The following TENM3 variants were observed in gnomAD, a reference collection of about 807,000 sequenced individuals.
TENM3 encodes the protein teneurin transmembrane protein 3.
TENM3 carries 63 observed loss-of-function variants against 255.1 expected under a neutral mutation model. The observed-to-expected ratio is 0.25, with a 90% CI of 0.20 to 0.30. The LOEUF is 0.30. Ranked by LOEUF, TENM3 falls within the 10% of genes least tolerant of loss-of-function variation. The pLI is 1.00. For missense variants in TENM3, 2,929 were observed against 3,461.1 expected (o/e 0.85, Z 3.86); for synonymous variants, 1,306 against 1,322.3 (o/e 0.99, Z 0.27).
chr4:181,921,711 T>C, the TENM3 span, among the ~76,000 whole-genome samples: 1 of 152,208 alleles, frequency 6.6e-6, no homozygotes, highest in Non-Finnish European at 1.5e-5. Context: ...CTTTTCCTAA[T>C]TGAATACCCT....
At chr4:182,102,732 G>A in the TENM3 span, among the ~76,000 whole-genome samples, 6 of 152,226 alleles carry the variant, frequency 3.9e-5, no homozygotes, top group South Asian at 4.2e-4. Flanking sequence ...GCCTGCCTCC[G>A]CCTCTCAGAA....
chr4:182,195,991 G>A (rs1431708828), intron 1 of TENM3, among the ~76,000 whole-genome samples: 7 of 152,116 alleles, frequency 4.6e-5, no homozygotes, highest in African/African-American at 7.2e-5. Context: ...TTCTTTTCAG[G>A]GCCAAGATTA....
intron 1 of TENM3, among the ~76,000 whole-genome samples, chr4:182,305,861 G>T (rs1185643123): frequency 6.6e-6 from 1 of 152,188 alleles, no homozygotes; most frequent in African/African-American, 2.4e-5. Context: ...TGCTATCCTG[G>T]ATGTTCTTAC....
chr4:182,580,152 TTTAA>T (rs35246683), intron 3 of TENM3, among the ~76,000 whole-genome samples: 15,721 of 152,060 alleles, frequency 0.1, 1,024 homozygotes, highest in Non-Finnish European at 0.14. Context: ...GTCTAGGGAG[TTTAA>T]TTAAAGTAAG....
chr4:181,895,685 C>T, the TENM3 span, among the ~76,000 whole-genome samples: 1 of 151,884 alleles, frequency 6.6e-6, no homozygotes, highest in East Asian at 1.9e-4. Flanking sequence ...GCTGGGACTA[C>T]AGGCATGTCA....
chr4:182,566,767 T>C (rs1478778864), intron 3 of TENM3, among the ~76,000 whole-genome samples: 1 of 152,204 alleles, frequency 6.6e-6, no homozygotes, highest in African/African-American at 2.4e-5. Context: ...TAACAAGTTT[T>C]TAATCTAAAG....
At chr4:182,142,807 G>T (rs1284049252), upstream of TENM3, 4 of 165,628 alleles carry the variant, frequency 2.4e-5, no homozygotes, top group Non-Finnish European at 5.9e-5. Context: ...GCACTCACTC[G>T]GCAGCCCCAA....
intron 3 of TENM3, among the ~76,000 whole-genome samples, chr4:182,565,793 G>A (rs1239679144): frequency 6.6e-6 from 1 of 152,162 alleles, no homozygotes; most frequent in Admixed American, 6.5e-5. Context: ...GAAGGAGAGA[G>A]AACAGTGAGA....
the TENM3 span, among the ~76,000 whole-genome samples, chr4:181,764,582 G>C: frequency 1.8e-4 from 28 of 152,318 alleles, no homozygotes; most frequent in African/African-American, 6.5e-4. Context: ...GCACATGATT[G>C]TTAAGAATTA....
At chr4:182,242,744 G>A (rs1347159624), upstream of TENM3, among the ~76,000 whole-genome samples, 1 of 152,150 alleles carries the variant, frequency 6.6e-6, no homozygotes, top group Non-Finnish European at 1.5e-5. Context: ...CTGGGTGACA[G>A]ACTGAGGCCC....
chr4:181,468,132 C>CCAAAAAAAAAAAAAAAAA, the TENM3 span, among the ~76,000 whole-genome samples: 3 of 130,740 alleles, frequency 2.3e-5, 1 homozygote, highest in Non-Finnish European at 1.6e-5. Flanking sequence ...CCCATCTGTA[C>CCAAAAAAAAAAAAAAAAA]AAAAAAAAAA....
At chr4:181,481,298 T>C in the TENM3 span, among the ~76,000 whole-genome samples, 9,370 of 152,130 alleles carry the variant, frequency 0.062, 868 homozygotes, top group African/African-American at 0.21. Flanking sequence ...AAAGGTAACA[T>C]GATGTTTCAT....
At chr4:182,547,523 G>A (rs1741564205) in intron 3 of TENM3, among the ~76,000 whole-genome samples, 1 of 152,014 alleles carries the variant, frequency 6.6e-6, no homozygotes, top group Admixed American at 6.6e-5. Context: ...TGGTCCATCA[G>A]TTATTGAACA....
the TENM3 span, among the ~76,000 whole-genome samples, chr4:181,535,596 AT>A: frequency 6.6e-6 from 1 of 152,170 alleles, no homozygotes; most frequent in Non-Finnish European, 1.5e-5. Flanking sequence ...TAAAAGGTAG[AT>A]TCTTTATAAT....
intron 3 of TENM3, among the ~76,000 whole-genome samples, chr4:182,597,595 TC>T: frequency 6.6e-6 from 1 of 152,326 alleles, no homozygotes. Flanking sequence ...TTTGTGTTCC[TC>T]TTTAAAAATG....
chr4:182,051,753 A>C, the TENM3 span, among the ~76,000 whole-genome samples: 1 of 152,284 alleles, frequency 6.6e-6, no homozygotes, highest in Admixed American at 6.5e-5. Context: ...CTGGGCATAT[A>C]ATTTATAGTT....
At chr4:181,617,012 C>A in the TENM3 span, among the ~76,000 whole-genome samples, 1 of 152,190 alleles carries the variant, frequency 6.6e-6, no homozygotes, top group Non-Finnish European at 1.5e-5. Flanking sequence ...ATCACACCCC[C>A]TTATGCAAAC....
chr4:182,007,962 T>C, the TENM3 span, among the ~76,000 whole-genome samples: 1 of 152,220 alleles, frequency 6.6e-6, no homozygotes, highest in African/African-American at 2.4e-5. Flanking sequence ...GGAGAGGTTT[T>C]ATTTCTCCTT....
chr4:182,681,415 G>A (rs1756165424), intron 10 of TENM3, among the ~76,000 whole-genome samples: 1 of 152,196 alleles, frequency 6.6e-6, no homozygotes, highest in Non-Finnish European at 1.5e-5. Flanking sequence ...GAAGGATAGA[G>A]AGTATGCAAC....
Sources: gnomAD v4.1 joint callset for allele counts (sites outside exome capture counted in the v4.1 genomes callset) on GRCh38, gnomAD v4.1.1 for gene constraint, MANE v1.5 for transcripts, NCBI Gene and HGNC (gene_info 2026-07-23, HGNC 2026-07-21) for gene names.